DEFB108B: variants seen among roughly 807,000 people sequenced by gnomAD.
DEFB108B encodes defensin beta 108B.
In DEFB108B, 3 loss-of-function variants were observed where a neutral mutation model predicts 2.4. The ratio of observed to expected loss-of-function variants is 1.25; its 90% CI spans 0.57 to 3.24. The LOEUF is 3.24. Among genes scored for constraint, DEFB108B ranks in the 30% most tolerant of loss-of-function variants. The pLI, the probability that DEFB108B is intolerant of heterozygous loss-of-function variation, is 0.03. For synonymous variants in DEFB108B, 25 were observed against 28.7 expected (o/e 0.87, Z 0.41); for missense variants, 101 against 87.8 (o/e 1.15, Z -0.60).
At chr11:71,836,107 C>T (rs1016081667) in intron 1 of DEFB108B, among the ~76,000 whole-genome samples, 39 of 152,128 alleles carry the variant, frequency 2.6e-4, no homozygotes, top group Admixed American at 1.8e-3. Context: ...TACTACTATA[C>T]GTAGTAGCTG....
intron 1 of DEFB108B, among the ~76,000 whole-genome samples, chr11:71,835,469 G>T (rs1026092917): frequency 1.3e-5 from 2 of 152,088 alleles, no homozygotes; most frequent in Non-Finnish European, 2.9e-5. Flanking sequence ...TACTACATTT[G>T]CTTTATTCAA....
At position 71,837,473 on chromosome 11, in the gene DEFB108B, C is replaced by T. The variant is rs1469521081; in HGVS notation, c.133C>T (p.His45Tyr). ...CRDFCLETEI[H>Y]VGRCLNSQPC... is the part of the protein sequence containing the mutation. Reference sequence around the variant, plus strand: ...GGACTTTTGCCTTGAAACAGAAATCCATGTTGGGAGATGTTTAAATAGCCA... The same window carrying T: ...GGACTTTTGCCTTGAAACAGAAATCTATGTTGGGAGATGTTTAAATAGCCA... Residue 45 changes from histidine to tyrosine, a missense_variant, in exon 2 of 2, where the codon CAT becomes TAT. Physicochemically the swap from His to Tyr is moderately conservative, Grantham distance 83 (BLOSUM62 2). Coordinates refer to ENST00000328698, the MANE Select transcript of DEFB108B (RefSeq NM_001002035.2). 6.2e-7 allele frequency: 1 copy of T among 1,611,950 alleles called. No individual in the cohort carries two copies. The highest frequency in any genetic ancestry group is 1.3e-5 in the African/African-American group (1 of 74,950).
intron 1 of DEFB108B, chr11:71,837,033 T>C (rs1952225420): frequency 5.5e-6 from 1 of 182,270 alleles, no homozygotes; most frequent in Non-Finnish European, 1.1e-5. Context: ...GGAAAATCCA[T>C]AGTGCAAGAC....
intron 1 of DEFB108B, 73 bp from the exon 2 acceptor site, chr11:71,837,326 C>G (rs1210121000): frequency 1.3e-6 from 2 of 1,563,492 alleles, no homozygotes; most frequent in African/African-American, 1.4e-5. Flanking sequence ...GCACTGCCCC[C>G]TACATCCATG....
At chr11:71,836,745 A>G (rs1187045874) in intron 1 of DEFB108B, among the ~76,000 whole-genome samples, 3 of 152,210 alleles carry the variant, frequency 2.0e-5, no homozygotes, top group East Asian at 3.8e-4. Context: ...CGTGCCAGAG[A>G]TATAAGTAGT....
At position 71,837,458 on chromosome 11, in the gene DEFB108B, C is replaced by T; in HGVS notation, c.118C>T (p.Leu40Phe). 2.5e-6 allele frequency: 4 copies of T among 1,611,958 alleles called. No individual in the cohort carries two copies. Among genetic ancestry groups the T allele is most frequent in the Non-Finnish European group, 3.4e-6 (4 of 1,179,832 alleles). The change falls in exon 2 of 2, where the codon CTT becomes TTT. Residue 40 changes from leucine to phenylalanine, a missense_variant. Coordinates refer to ENST00000328698, the MANE Select transcript of DEFB108B (RefSeq NM_001002035.2). ...RPNGSCRDFCLETEIHVGRCL... is the reference protein window; with the variant it reads ...RPNGSCRDFCFETEIHVGRCL... The stretch of plus-strand genomic sequence containing the variant: ...AAATGGCTCCTGTCGGGACTTTTGC[C>T]TTGAAACAGAAATCCATGTTGGGAG...
rs188117434 is a variant in DEFB108B at position 71,835,852 on chromosome 11, T to C, written c.59-1547T>C. 2.8e-4 allele frequency among the ~76,000 whole-genome samples: 42 copies of C among 152,336 alleles called. No individual in the cohort carries two copies. In the East Asian group the frequency reaches 8.1e-3, roughly 29 times the overall value. ...CCAAGACTTTAATCAGATTCTGGAA[T>C]ATACATACAGAGGAGAATAAGATAT... On this transcript the variant is annotated intron_variant, in intron 1 of 1. Coordinates refer to ENST00000328698, the MANE Select transcript of DEFB108B (RefSeq NM_001002035.2).
At chr11:71,834,796 C>G (rs1275803769) in intron 1 of DEFB108B, 1 of 152,240 alleles carries the variant, frequency 6.6e-6, no homozygotes, top group Non-Finnish European at 1.5e-5. Context: ...CTGTCTCACT[C>G]CATCACTGGG....
rs773781729 is a variant in DEFB108B, at chr11:71,837,540, G to A, written c.200G>A (p.Ser67Asn). ...CTGGGGCATCAACCAAGAATTGAGA[G>A]CACTACACCCAAAAAGGACTGAAGC... ...LPLGHQPRIE[S>N]TTPKKD The change falls in exon 2 of 2, where the codon AGC becomes AAC. Residue 67 changes from serine (S) to asparagine (N), a missense_variant. By Grantham distance (46) the Ser-to-Asn change is conservative. Transcript: ENST00000328698. 3 of 1,611,480 alleles carry A rather than the reference G, an allele frequency of 1.9e-6. No individual in the cohort carries two copies. The highest frequency in any genetic ancestry group is 1.3e-5 in the African/African-American group (1 of 74,918).
chr11:71,835,641 G>C (rs1565107467), intron 1 of DEFB108B, among the ~76,000 whole-genome samples: 1 of 152,094 alleles, frequency 6.6e-6, no homozygotes, highest in African/African-American at 2.4e-5. Flanking sequence ...TCTGTATTAA[G>C]TTTCTTGAAA....
At chr11:71,836,233 G>A (rs886130812) in intron 1 of DEFB108B, among the ~76,000 whole-genome samples, 1 of 152,114 alleles carries the variant, frequency 6.6e-6, no homozygotes, top group Non-Finnish European at 1.5e-5. Flanking sequence ...AAAAAAGCAT[G>A]ACCTTTATTT....
At chr11:71,837,366 T>C (rs202154400) in intron 1 of DEFB108B, 33 bp from the exon 2 acceptor site, 10 of 1,609,626 alleles carry the variant, frequency 6.2e-6, no homozygotes, top group Non-Finnish European at 8.5e-6. Context: ...GAAAGACTGG[T>C]GAATGGTTAC....
At chr11:71,836,846 T>A (rs1231715248) in intron 1 of DEFB108B, among the ~76,000 whole-genome samples, 1 of 152,158 alleles carries the variant, frequency 6.6e-6, no homozygotes, top group Non-Finnish European at 1.5e-5. Flanking sequence ...AGGAAAAATA[T>A]CCTCTCTAAC....
chr11:71,834,243 A>G (rs111563159), intron 1 of DEFB108B, among the ~76,000 whole-genome samples: 7,606 of 152,234 alleles, frequency 0.05, 209 homozygotes, highest in Middle Eastern at 0.095. Flanking sequence ...GTGATACCAT[A>G]TCCAATTATA....
Position 71,837,588 on chromosome 11 carries a change from T to C in DEFB108B, c.*26T>C, listed in dbSNP as rs1952231973. The C allele has an allele frequency of 6.2e-7, 1 of 1,603,528 alleles. No individual in the cohort carries two copies. Among genetic ancestry groups the C allele is most frequent in the African/African-American group, 1.3e-5 (1 of 74,406 alleles). On this transcript the variant is annotated 3_prime_UTR_variant, in exon 2 of 2. Transcript: ENST00000328698. ...AGCCTGTTGTTTTCTGGAGGTTTTA[T>C]GTTCTCTTTTTTCTCTCTCCCTCTC... is the stretch of plus-strand genomic sequence containing the variant.
intron 1 of DEFB108B, chr11:71,837,120 T>G (rs977229106): frequency 8.1e-6 from 3 of 369,550 alleles, no homozygotes; most frequent in Non-Finnish European, 1.5e-5. Context: ...GAAACTTGCA[T>G]GCTCTAGAAC....
intron 1 of DEFB108B, among the ~76,000 whole-genome samples, chr11:71,836,441 T>C (rs959533789): frequency 1.3e-5 from 2 of 152,124 alleles, no homozygotes; most frequent in African/African-American, 4.8e-5. Context: ...GGCTTTTGTG[T>C]TCCAGAATAG....
chr11:71,834,503 A>T (rs1952202458), intron 1 of DEFB108B, among the ~76,000 whole-genome samples: 1 of 152,228 alleles, frequency 6.6e-6, no homozygotes, highest in Admixed American at 6.5e-5. Context: ...ATTGTCACTC[A>T]ATCAAAATAG....
intron 1 of DEFB108B, among the ~76,000 whole-genome samples, chr11:71,833,557 G>C (rs1952194450): frequency 6.6e-6 from 1 of 152,124 alleles, no homozygotes; most frequent in African/African-American, 2.4e-5. Flanking sequence ...ACTAAATCTT[G>C]GTCTCCAAAG....
Sources: allele counts gnomAD v4.1 joint callset (sites outside exome capture counted in the v4.1 genomes callset), GRCh38; gene constraint gnomAD v4.1.1; transcripts MANE v1.5; gene names NCBI Gene and HGNC (gene_info 2026-07-23, HGNC 2026-07-21).